COPS3: variants seen among roughly 807,000 people sequenced by gnomAD.
COPS3 encodes COP9 signalosome complex subunit 3.
A neutral mutation model predicts 58.2 loss-of-function variants in COPS3; 10 were observed. That is an observed-to-expected ratio of 0.17 (90% CI 0.11 to 0.29). The LOEUF is 0.29. Ranked by LOEUF, COPS3 falls within the 10% of genes least tolerant of loss-of-function variation. COPS3 has a pLI of 1.00. For missense variants in COPS3, 333 were observed against 510.1 expected (o/e 0.65, Z 3.34); for synonymous variants, 187 against 181.7 (o/e 1.03, Z -0.24).
rs536743335 is a variant in COPS3, at chr17:17,264,820, A to C, written c.603T>G (p.Ala201=). 6.7e-5 allele frequency: 108 copies of C among 1,605,780 alleles called. No homozygotes were observed. Among genetic ancestry groups the C allele is most frequent in the Non-Finnish European group, 8.8e-5 (104 of 1,177,914 alleles). The change falls in exon 6 of 12, where the codon GCT becomes GCG. Residue 201 remains alanine, a synonymous_variant. Transcript: ENST00000268717. ...AGATTACCTGTTCATAAAAGTAGAG[A>C]GCTCTTTCAAAGTTCTTCAGCCCAG... ...IYTGLKNFER[A]LYFYEQAITT... is the part of the protein sequence containing the mutation.
intron 9 of COPS3, among the ~76,000 whole-genome samples, chr17:17,251,184 C>T (rs761055269): frequency 7.2e-5 from 11 of 151,894 alleles, no homozygotes; most frequent in South Asian, 4.1e-4. Flanking sequence ...TTAGTAGAGA[C>T]GGGGTTTCAC....
At chr17:17,259,393 C>A (rs1395969061) in intron 8 of COPS3, among the ~76,000 whole-genome samples, 1 of 152,122 alleles carries the variant, frequency 6.6e-6, no homozygotes, top group Non-Finnish European at 1.5e-5. Context: ...TTTTTCTGTA[C>A]TGTTTGAACG....
intron 7 of COPS3, chr17:17,261,621 A>G: frequency 2.3e-6 from 1 of 425,590 alleles, no homozygotes; most frequent in South Asian, 1.7e-5. Flanking sequence ...GCACTCTGGG[A>G]GGCAGACGCA....
Position 17,281,201 on chromosome 17 carries a change from G to A in COPS3, c.-15C>T. 2 of 1,607,330 alleles carry A rather than the reference G, an allele frequency of 1.2e-6. No homozygotes were observed. The highest frequency in any genetic ancestry group is 1.7e-6 in the Non-Finnish European group (2 of 1,177,206). On this transcript the variant is annotated 5_prime_UTR_variant, in exon 1 of 12. Transcript: ENST00000268717. The stretch of plus-strand genomic sequence containing the variant: ...GCAGACGCCATGTTTTCCCCCGGGC[G>A]GCCCGAGCGGCGAAGGCAGCACGCG...
In COPS3 at chr17:17,276,082, G is replaced by A. The variant is rs776864984; in HGVS notation, c.138C>T (p.Leu46=). 8.1e-6 allele frequency: 13 copies of A among 1,613,942 alleles called. No individual in the cohort carries two copies. The highest frequency in any genetic ancestry group is 2.7e-5 in the African/African-American group (2 of 74,894). Residue 46 remains leucine (L), a synonymous_variant, in exon 2 of 12, where the codon CTC becomes CTT. Transcript: ENST00000268717. ...AGTGTTCTTGTACATCCAGAGCCCC[G>A]AGCACAGTGTCCAGATGGGATAAGT... is the stretch of plus-strand genomic sequence containing the variant. ...AKNLSHLDTV[L]GALDVQEHSL...
intron 2 of COPS3, among the ~76,000 whole-genome samples, chr17:17,272,656 CT>C (rs1212939390): frequency 2.6e-5 from 4 of 152,194 alleles, no homozygotes; most frequent in Non-Finnish European, 5.9e-5. Flanking sequence ...AATCCCAACA[CT>C]TTGGGAGGCC....
At chr17:17,280,982 G>T (rs547730660) in intron 1 of COPS3, 150 bp downstream of exon 1, 5 of 987,410 alleles carry the variant, frequency 5.1e-6, no homozygotes, top group Admixed American at 2.6e-5. Context: ...GCTCGATCCT[G>T]CCCTGATCTA....
intron 8 of COPS3, among the ~76,000 whole-genome samples, chr17:17,258,819 A>C (rs939486698): frequency 7.9e-5 from 12 of 152,076 alleles, no homozygotes; most frequent in African/African-American, 1.2e-4. Flanking sequence ...CTTTGACTTG[A>C]TTTCTCTTTC....
At chr17:17,267,617 G>A (rs560904053) in intron 5 of COPS3, among the ~76,000 whole-genome samples, 3 of 129,294 alleles carry the variant, frequency 2.3e-5, no homozygotes, top group East Asian at 4.6e-4. Flanking sequence ...CAGCATGGGC[G>A]ACAAAGTGAG....
At chr17:17,265,043 G>C (rs1442212106) in intron 5 of COPS3, 62 bp from the exon 6 acceptor site, 1 of 1,428,032 alleles carries the variant, frequency 7.0e-7, no homozygotes. Context: ...TTAGCAGAAG[G>C]AGAAAATTCA....
chr17:17,260,586 C>T (rs937997532), intron 7 of COPS3, 112 bp from the exon 8 acceptor site: 18 of 972,626 alleles, frequency 1.9e-5, no homozygotes, highest in Non-Finnish European at 2.6e-5. Flanking sequence ...GACAAATCAC[C>T]TGGGGTCAGG....
At chr17:17,272,629 TG>T (rs1236164770) in intron 2 of COPS3, among the ~76,000 whole-genome samples, 2 of 152,046 alleles carry the variant, frequency 1.3e-5, no homozygotes, top group East Asian at 3.9e-4. Flanking sequence ...AAATATTGGC[TG>T]GGCACAGTTG....
intron 5 of COPS3, among the ~76,000 whole-genome samples, chr17:17,267,647 A>AAG (rs2048257158): frequency 6.6e-6 from 1 of 151,754 alleles, no homozygotes. Context: ...AAAAAAAAAA[A>AAG]AAAAAAAGTT....
At chr17:17,279,152 G>C (rs566640890) in intron 1 of COPS3, among the ~76,000 whole-genome samples, 6 of 152,286 alleles carry the variant, frequency 3.9e-5, no homozygotes, top group African/African-American at 1.4e-4. Context: ...GGAATTACAG[G>C]AGTGAGCCAC....
In COPS3 at chr17:17,247,133, C is replaced by T; in HGVS notation, c.1237G>A (p.Asp413Asn). The T allele has an allele frequency of 6.2e-7, 1 of 1,613,908 alleles. No homozygotes were observed. The highest frequency in any genetic ancestry group is 8.5e-7 in the Non-Finnish European group (1 of 1,179,822). The change falls in exon 12 of 12, where the codon GAT becomes AAT. Residue 413 changes from aspartate (D) to asparagine (N), a missense_variant. Asp to Asn is a conservative substitution (Grantham distance 23). Transcript: ENST00000268717. Reference sequence around the variant, plus strand: ...CTGGATGGTTTGTTTCCTGAATCATCTTCTTGTGAGCCCATACTCTGTAAA... The same window carrying T: ...CTGGATGGTTTGTTTCCTGAATCATTTTCTTGTGAGCCCATACTCTGTAAA... ...FVQKSMGSQE[D>N]DSGNKPSSYS is the part of the protein sequence containing the mutation.
intron 7 of COPS3, chr17:17,261,628 C>T (rs112003412): frequency 0.011 from 4,555 of 425,550 alleles, 202 homozygotes; most frequent in African/African-American, 0.087. Flanking sequence ...GGGAGGCAGA[C>T]GCAGAAGGAC....
At chr17:17,255,045 T>C in intron 8 of COPS3, 100 bp from the exon 9 acceptor site, 1 of 744,988 alleles carries the variant, frequency 1.3e-6, no homozygotes, top group Non-Finnish European at 2.3e-6. Flanking sequence ...CTCATGTCTG[T>C]AATCCCAGCA....
chr17:17,272,600 G>A (rs2048377071), intron 2 of COPS3, among the ~76,000 whole-genome samples: 1 of 152,118 alleles, frequency 6.6e-6, no homozygotes, highest in African/African-American at 2.4e-5. Context: ...CACAGGGCAT[G>A]GCAGAATACA....
chr17:17,268,621 T>A (rs1287730869), intron 4 of COPS3, among the ~76,000 whole-genome samples: 1 of 152,040 alleles, frequency 6.6e-6, no homozygotes, highest in Non-Finnish European at 1.5e-5. Flanking sequence ...GAGATCAAGA[T>A]TATCCTGGCC....
Sources: allele counts gnomAD v4.1 joint callset (sites outside exome capture counted in the v4.1 genomes callset), GRCh38; gene constraint gnomAD v4.1.1; transcripts MANE v1.5; gene names NCBI Gene and HGNC (gene_info 2026-07-23, HGNC 2026-07-21).